Variants in VPS41 observed in about 807,000 individuals in gnomAD.
VPS41 encodes vacuolar protein sorting-associated protein 41 homolog.
VPS41 carries 85 observed loss-of-function variants against 130.9 expected under a neutral mutation model. That is an observed-to-expected ratio of 0.65 (90% CI 0.55 to 0.78). VPS41 has a LOEUF of 0.78. Ranked by LOEUF, VPS41 falls within the 30% of genes least tolerant of loss-of-function variation. VPS41 has a pLI of 0.00. For synonymous variants in VPS41, 335 were observed against 332.9 expected (o/e 1.01, Z -0.07); for missense variants, 874 against 1,018.7 (o/e 0.86, Z 1.93).
chr7:38,740,030 G>C (rs1052344136), intron 25 of VPS41, among the ~76,000 whole-genome samples: 1 of 152,130 alleles, frequency 6.6e-6, no homozygotes, highest in Non-Finnish European at 1.5e-5. Flanking sequence ...CCATGAGCTT[G>C]GTTCTCTGGA....
At chr7:38,764,531 C>T (rs951396131) in intron 16 of VPS41, among the ~76,000 whole-genome samples, 22 of 152,142 alleles carry the variant, frequency 1.4e-4, no homozygotes, top group African/African-American at 5.3e-4. Context: ...GGGCTGCCCA[C>T]AGATCTATCA....
At chr7:38,728,459 C>T (rs762104356) in intron 27 of VPS41, 83 bp downstream of exon 27, 19 of 1,403,290 alleles carry the variant, frequency 1.4e-5, no homozygotes, top group South Asian at 6.9e-5. Flanking sequence ...GTTTTATAAA[C>T]GGTAGTTGGC....
At chr7:38,824,164 T>C (rs1785226044) in intron 5 of VPS41, among the ~76,000 whole-genome samples, 1 of 152,202 alleles carries the variant, frequency 6.6e-6, no homozygotes, top group South Asian at 2.1e-4. Flanking sequence ...AATCTATTTC[T>C]TTTCAGTACA....
intron 4 of VPS41, among the ~76,000 whole-genome samples, chr7:38,832,672 ACC>A (rs1386258161): frequency 6.6e-6 from 1 of 152,076 alleles, no homozygotes; most frequent in Non-Finnish European, 1.5e-5. Context: ...AGATCAAATG[ACC>A]CCAATGTTGC....
chr7:38,835,636 C>A (rs548358581), intron 4 of VPS41, among the ~76,000 whole-genome samples: 31 of 151,742 alleles, frequency 2.0e-4, no homozygotes, highest in African/African-American at 6.5e-4. Context: ...CAAAATAATT[C>A]ATATTCTCTA....
At chr7:38,748,945 T>C (rs898462523) in intron 22 of VPS41, among the ~76,000 whole-genome samples, 2 of 152,106 alleles carry the variant, frequency 1.3e-5, no homozygotes, top group African/African-American at 4.8e-5. Flanking sequence ...ACTGCACTTT[T>C]GTAGAGATTA....
chr7:38,840,858 G>A (rs1006622718), intron 4 of VPS41, among the ~76,000 whole-genome samples: 1 of 152,134 alleles, frequency 6.6e-6, no homozygotes, highest in South Asian at 2.1e-4. Context: ...ACCATTTAAT[G>A]TTTTCATACC....
At chr7:38,826,298 T>A (rs543295557) in intron 5 of VPS41, among the ~76,000 whole-genome samples, 1 of 152,210 alleles carries the variant, frequency 6.6e-6, no homozygotes, top group Non-Finnish European at 1.5e-5. Context: ...GAGGAAGAGA[T>A]CTGCCTGTTC....
At chr7:38,907,482 T>G (rs1787294085) in intron 1 of VPS41, among the ~76,000 whole-genome samples, 1 of 152,210 alleles carries the variant, frequency 6.6e-6, no homozygotes, top group South Asian at 2.1e-4. Context: ...CCCTGGAAAG[T>G]CTAGAATATC....
At chr7:38,883,234 T>C (rs1211637154) in intron 2 of VPS41, among the ~76,000 whole-genome samples, 1 of 152,068 alleles carries the variant, frequency 6.6e-6, no homozygotes, top group African/African-American at 2.4e-5. Flanking sequence ...AGAGTGAGAC[T>C]CCTCAAAAAC....
chr7:38,850,894 C>A (rs76741853), intron 4 of VPS41, among the ~76,000 whole-genome samples: 1 of 152,084 alleles, frequency 6.6e-6, no homozygotes, highest in Admixed American at 6.5e-5. Context: ...ACAGCCAACA[C>A]TGGTGATGCG....
In VPS41 at chr7:38,850,942, A is replaced by G. The variant is rs184513638; in HGVS notation, c.246+11603T>C. On this transcript the variant is annotated intron_variant, in intron 4 of 28. Transcript: ENST00000310301. Reference sequence around the variant, plus strand: ...ACTCTCAGACTGCTGGCAGGAACATATTTTGGTATAACCTAACTGCAGGGA... The same window carrying G: ...ACTCTCAGACTGCTGGCAGGAACATGTTTTGGTATAACCTAACTGCAGGGA... Among the ~76,000 whole-genome samples, 5 of 152,322 alleles carry G rather than the reference A, an allele frequency of 3.3e-5. No individual in the cohort carries two copies. In the East Asian group the frequency reaches 9.6e-4, roughly 29 times the overall value.
intron 4 of VPS41, among the ~76,000 whole-genome samples, chr7:38,843,694 A>C (rs1785662804): frequency 6.9e-6 from 1 of 145,726 alleles, no homozygotes; most frequent in Admixed American, 6.9e-5. Flanking sequence ...AAAAAAAAAC[A>C]AAAAAAAAAA....
At chr7:38,773,368 CTT>C (rs1375144804) in intron 12 of VPS41, among the ~76,000 whole-genome samples, 1 of 152,096 alleles carries the variant, frequency 6.6e-6, no homozygotes, top group South Asian at 2.1e-4. Context: ...AGAATATACT[CTT>C]ATGTTTTTCA....
intron 4 of VPS41, among the ~76,000 whole-genome samples, chr7:38,841,462 C>G (rs114099600): frequency 8.4e-4 from 128 of 152,310 alleles, no homozygotes; most frequent in African/African-American, 2.9e-3. Context: ...ACCAAAATGG[C>G]TGGGGGAAGG....
chr7:38,889,606 T>C (rs1244404393), intron 2 of VPS41, among the ~76,000 whole-genome samples: 1 of 150,498 alleles, frequency 6.6e-6, no homozygotes, highest in African/African-American at 2.4e-5. Context: ...AAAGATACTC[T>C]CATATTAAAA....
chr7:38,845,990 A>C (rs1785715891), intron 4 of VPS41, among the ~76,000 whole-genome samples: 1 of 152,242 alleles, frequency 6.6e-6, no homozygotes, highest in East Asian at 1.9e-4. Flanking sequence ...ACATATATCC[A>C]ACAAAGATAC....
chr7:38,732,639 T>C (rs1795688505), intron 25 of VPS41, among the ~76,000 whole-genome samples: 1 of 152,146 alleles, frequency 6.6e-6, no homozygotes, highest in Admixed American at 6.5e-5. Flanking sequence ...CAATTTGCTA[T>C]TGATTTATGT....
chr7:38,897,194 C>A (rs373688813), intron 2 of VPS41, among the ~76,000 whole-genome samples: 1,720 of 115,916 alleles, frequency 0.015, no homozygotes, highest in Middle Eastern at 0.018. Context: ...AACTCTGTCT[C>A]AAAAAAAAAA....
Sources: allele counts gnomAD v4.1 joint callset (sites outside exome capture counted in the v4.1 genomes callset), GRCh38; gene constraint gnomAD v4.1.1; transcripts MANE v1.5; gene names NCBI Gene and HGNC (gene_info 2026-07-23, HGNC 2026-07-21).